MAP7D2: variants seen among roughly 807,000 people sequenced by gnomAD.
The protein encoded by MAP7D2 is MAP7 domain-containing protein 2.
In MAP7D2, 33 loss-of-function variants were observed where a neutral mutation model predicts 63.5. The ratio of observed to expected loss-of-function variants is 0.52; its 90% CI spans 0.39 to 0.70. MAP7D2 has a LOEUF of 0.70. Among genes scored for constraint, MAP7D2 ranks in the 30% least tolerant of loss-of-function variants. The pLI is 0.00. For missense variants in MAP7D2, 626 were observed against 604.0 expected (o/e 1.04, Z -0.38); for synonymous variants, 224 against 223.7 (o/e 1.00, Z -0.01).
chrX:20,070,254 T>C lies in MAP7D2; in HGVS notation c.131-5449A>G, dbSNP rs746788222. Among the ~76,000 whole-genome samples, 32 of 105,583 alleles carry C rather than the reference T, an allele frequency of 3.0e-4. 1 individual carries two copies. The highest frequency in any genetic ancestry group is 2.7e-3 in the Admixed American group (27 of 9,907). 91.7% of individuals were successfully genotyped at this position (105,583 alleles called of 115,157 possible). A position where few individuals can be genotyped will look rare whatever the true frequency, so the allele number is the denominator to read the frequency against. Reference sequence around the variant, plus strand: ...GAGCCACCGCGCCTGGCCTCGGCAATTTTTTTCTTATTTATTTATTTATTT... The same window carrying C: ...GAGCCACCGCGCCTGGCCTCGGCAACTTTTTTCTTATTTATTTATTTATTT... On this transcript the variant is annotated intron_variant, in intron 1 of 16. Coordinates refer to ENST00000379643, the MANE Select transcript of MAP7D2 (RefSeq NM_001168465.2).
At chrX:20,078,652 G>A (rs753405806) in intron 1 of MAP7D2, among the ~76,000 whole-genome samples, 1 of 112,392 alleles carries the variant, frequency 8.9e-6, no homozygotes, top group Non-Finnish European at 1.9e-5. Context: ...GAGTAATGTG[G>A]AGCTTAAGGA....
At chrX:20,094,181 C>T (rs1318409919) in intron 1 of MAP7D2, among the ~76,000 whole-genome samples, 1 of 108,866 alleles carries the variant, frequency 9.2e-6, no homozygotes, top group African/African-American at 3.3e-5. Flanking sequence ...GAATTTAGGA[C>T]CAGAACCAGA....
In MAP7D2 at chrX:20,016,256, C is replaced by T; in HGVS notation, c.1482G>A (p.Lys494=). The stretch of plus-strand genomic sequence containing the variant: ...CCTGCCGCTTCCTTTCTTCTTCCTG[C>T]TTTCGGGCTTCCTCTTCTAGGCGAA... The part of the protein sequence containing the change: ...ERLRLEEEAR[K]QEEERKRQEE... Residue 494 remains lysine (K), a synonymous_variant, in exon 11 of 17, where the codon AAG becomes AAA. Coordinates refer to ENST00000379643, the MANE Select transcript of MAP7D2 (RefSeq NM_001168465.2). 1 of 1,210,844 alleles carries T rather than the reference C, an allele frequency of 8.3e-7. No individual in the cohort carries two copies. The highest frequency in any genetic ancestry group is 1.1e-6 in the Non-Finnish European group (1 of 895,078).
chrX:20,023,972 T>A (rs1393450968), intron 10 of MAP7D2, among the ~76,000 whole-genome samples: 1 of 111,946 alleles, frequency 8.9e-6, no homozygotes, highest in Non-Finnish European at 1.9e-5. Flanking sequence ...AAAAAATAGA[T>A]CAGCAAACCT....
intron 1 of MAP7D2, among the ~76,000 whole-genome samples, chrX:20,095,653 T>G (rs1373026410): frequency 2.7e-5 from 3 of 111,744 alleles, no homozygotes; most frequent in African/African-American, 3.3e-5. Flanking sequence ...CTCAAATAGA[T>G]GTATGCACAC....
chrX:20,013,445 A>G (rs1011844167), intron 13 of MAP7D2, 124 bp downstream of exon 13: 22 of 632,137 alleles, frequency 3.5e-5, no homozygotes, highest in Non-Finnish European at 5.3e-5. Context: ...AGCCAGGAAC[A>G]AAGCAGGAAA....
intron 8 of MAP7D2, among the ~76,000 whole-genome samples, chrX:20,030,061 T>C: frequency 8.9e-6 from 1 of 112,244 alleles, no homozygotes; most frequent in Non-Finnish European, 1.9e-5. Context: ...TATTTTTCAA[T>C]TTCCTGGAAA....
At chrX:20,049,491 C>T (rs1237606047) in intron 6 of MAP7D2, among the ~76,000 whole-genome samples, 1 of 110,194 alleles carries the variant, frequency 9.1e-6, no homozygotes, top group Non-Finnish European at 1.9e-5. Flanking sequence ...ATGCTGGTCT[C>T]GAACTCCCTA....
At chrX:20,024,825 A>T in intron 10 of MAP7D2, 126 bp downstream of exon 10, 1 of 716,954 alleles carries the variant, frequency 1.4e-6, no homozygotes, top group African/African-American at 2.1e-5. Flanking sequence ...TGTAGTTCAG[A>T]CATTCTAGGT....
intron 1 of MAP7D2, among the ~76,000 whole-genome samples, chrX:20,075,059 A>C (rs2065609083): frequency 8.9e-6 from 1 of 111,833 alleles, no homozygotes; most frequent in Admixed American, 9.5e-5. Flanking sequence ...TCTCAAAACA[A>C]ACAAACAAAC....
intron 1 of MAP7D2, among the ~76,000 whole-genome samples, chrX:20,077,658 C>A (rs959779536): frequency 8.9e-6 from 1 of 112,073 alleles, no homozygotes; most frequent in Admixed American, 9.5e-5. Flanking sequence ...AATGCACATG[C>A]TCCTATTTAT....
chrX:20,058,724 G>A, intron 3 of MAP7D2, among the ~76,000 whole-genome samples: 1 of 112,186 alleles, frequency 8.9e-6, no homozygotes, highest in Non-Finnish European at 1.9e-5. Context: ...CACTCACTTT[G>A]TATCACCCAC....
chrX:20,024,898 T>G (rs1171785807), intron 10 of MAP7D2, 53 bp downstream of exon 10: 1 of 1,173,834 alleles, frequency 8.5e-7, no homozygotes. Flanking sequence ...AAGCTGCTCT[T>G]TCCAACACAA....
chrX:20,009,837 C>A (rs970432813), intron 16 of MAP7D2, among the ~76,000 whole-genome samples: 1 of 109,396 alleles, frequency 9.1e-6, no homozygotes, highest in Non-Finnish European at 1.9e-5. Context: ...TCTACAAAAA[C>A]TAAAAAAAAT....
At chrX:20,114,122 T>C (rs778987222) in intron 1 of MAP7D2, among the ~76,000 whole-genome samples, 10 of 111,987 alleles carry the variant, frequency 8.9e-5, no homozygotes, top group Non-Finnish European at 1.9e-4. Context: ...CAACCTCCGC[T>C]TCCTGGGTTC....
intron 1 of MAP7D2, among the ~76,000 whole-genome samples, chrX:20,098,929 C>A (rs1242830190): frequency 8.9e-6 from 1 of 112,781 alleles, no homozygotes; most frequent in Admixed American, 9.4e-5. Context: ...GCTGTCCCAA[C>A]CCTCATGGTG....
chrX:20,020,046 T>C (rs989359228), intron 10 of MAP7D2, among the ~76,000 whole-genome samples: 11 of 112,133 alleles, frequency 9.8e-5, no homozygotes. Flanking sequence ...TCAATCTTCG[T>C]CATCTTCCTT....
chrX:20,045,316 T>C (rs1217493945), intron 6 of MAP7D2, among the ~76,000 whole-genome samples: 1 of 109,742 alleles, frequency 9.1e-6, no homozygotes, highest in Non-Finnish European at 1.9e-5. Context: ...CACCTGAGCT[T>C]AGGAGGTTGA....
intron 10 of MAP7D2, chrX:20,021,449 C>T (rs921198620): frequency 1.8e-5 from 2 of 112,367 alleles, no homozygotes; most frequent in African/African-American, 3.2e-5. Context: ...TGAGGATGAT[C>T]TTATTCCAAG....
Sources: allele counts gnomAD v4.1 joint callset (sites outside exome capture counted in the v4.1 genomes callset), GRCh38; gene constraint gnomAD v4.1.1; transcripts MANE v1.5; gene names NCBI Gene and HGNC (gene_info 2026-07-23, HGNC 2026-07-21).